CSMD1: variants seen among roughly 807,000 people sequenced by gnomAD.
The protein encoded by CSMD1 is CUB and sushi domain-containing protein 1.
CSMD1 carries 213 observed loss-of-function variants against 417.5 expected under a neutral mutation model. That is an observed-to-expected ratio of 0.51 (90% CI 0.46 to 0.57). The LOEUF (loss-of-function observed/expected upper bound fraction) is 0.57. Among genes scored for constraint, CSMD1 ranks in the 20% least tolerant of loss-of-function variants. The pLI is 0.00. For missense variants in CSMD1, 6,923 were observed against 4,529.7 expected, an observed-to-expected ratio of 1.53 and a Z score of -15.17; for synonymous variants, 2,862 against 1,736.8, an observed-to-expected ratio of 1.65 and a Z score of -16.11.
At chr8:3,133,133 C>G (rs1817885029) in intron 41 of CSMD1, among the ~76,000 whole-genome samples, 1 of 152,210 alleles carries the variant, frequency 6.6e-6, no homozygotes, top group South Asian at 2.1e-4. Flanking sequence ...GCAGCGTGGG[C>G]CGGCACACAG....
chr8:4,690,610 T>A (rs1280720313), intron 1 of CSMD1, among the ~76,000 whole-genome samples: 1 of 152,244 alleles, frequency 6.6e-6, no homozygotes, highest in African/African-American at 2.4e-5. Flanking sequence ...TGCTTGTTCC[T>A]CAGTCATGTG....
At chr8:4,552,996 G>A (rs945814250) in intron 2 of CSMD1, among the ~76,000 whole-genome samples, 2 of 152,126 alleles carry the variant, frequency 1.3e-5, no homozygotes, top group Non-Finnish European at 1.5e-5. Flanking sequence ...CTGGCTGCTT[G>A]GTGACATTTC....
At chr8:4,192,822 G>C (rs766702280) in intron 3 of CSMD1, among the ~76,000 whole-genome samples, 3 of 152,106 alleles carry the variant, frequency 2.0e-5, no homozygotes, top group Non-Finnish European at 4.4e-5. Flanking sequence ...ATTACTTGTG[G>C]TAAACGCTAT....
chr8:3,556,516 G>GCA (rs71708244), intron 10 of CSMD1, among the ~76,000 whole-genome samples: 3,973 of 137,612 alleles, frequency 0.029, 80 homozygotes, highest in African/African-American at 0.055. Flanking sequence ...TTTTTCACAC[G>GCA]CACACACACA....
intron 12 of CSMD1, among the ~76,000 whole-genome samples, chr8:3,427,610 C>A (rs1340101497): frequency 1.3e-5 from 2 of 152,068 alleles, no homozygotes; most frequent in Admixed American, 1.3e-4. Context: ...TGACCATACT[C>A]TGCAAATCTA....
intron 5 of CSMD1, among the ~76,000 whole-genome samples, chr8:3,800,427 A>C (rs1800392019): frequency 6.6e-6 from 1 of 152,190 alleles, no homozygotes; most frequent in Admixed American, 6.6e-5. Context: ...AGTGCTTGAG[A>C]AATAGTATAA....
chr8:4,799,800 G>A (rs994659035), intron 1 of CSMD1, among the ~76,000 whole-genome samples: 1 of 151,650 alleles, frequency 6.6e-6, no homozygotes, highest in African/African-American at 2.4e-5. Context: ...AAAAAAAAGT[G>A]ACAATATGCA....
At chr8:4,402,742 C>T (rs1418093952) in intron 3 of CSMD1, among the ~76,000 whole-genome samples, 3 of 151,650 alleles carry the variant, frequency 2.0e-5, no homozygotes, top group Non-Finnish European at 2.9e-5. Context: ...ATTCAACTAC[C>T]TCTTTGCATC....
At chr8:4,506,875 C>A (rs1802553238) in intron 2 of CSMD1, among the ~76,000 whole-genome samples, 1 of 152,086 alleles carries the variant, frequency 6.6e-6, no homozygotes, top group Admixed American at 6.5e-5. Context: ...AAGTTTATAA[C>A]ATAAATAATT....
chr8:4,176,999 C>A (rs1798084090), intron 3 of CSMD1, among the ~76,000 whole-genome samples: 1 of 152,004 alleles, frequency 6.6e-6, no homozygotes, highest in East Asian at 1.9e-4. Flanking sequence ...TAACACCCCA[C>A]TGTCAACATT....
At chr8:3,169,683 A>C (rs1011427053) in intron 37 of CSMD1, among the ~76,000 whole-genome samples, 2 of 152,054 alleles carry the variant, frequency 1.3e-5, no homozygotes, top group South Asian at 2.1e-4. Context: ...CACAATAGAA[A>C]GGACTGAGGA....
At chr8:3,218,574 AAAAG>A (rs1341254583) in intron 29 of CSMD1, among the ~76,000 whole-genome samples, 4 of 151,030 alleles carry the variant, frequency 2.6e-5, no homozygotes, top group Non-Finnish European at 4.4e-5. Context: ...AATAAAAAAA[AAAAG>A]AAATTATTTT....
At chr8:4,341,415 G>A (rs1352889794) in intron 3 of CSMD1, among the ~76,000 whole-genome samples, 1 of 152,070 alleles carries the variant, frequency 6.6e-6, no homozygotes, top group Non-Finnish European at 1.5e-5. Context: ...TCAAAATGTA[G>A]AGGAAAATGT....
intron 49 of CSMD1, among the ~76,000 whole-genome samples, chr8:3,080,139 C>A (rs1027950095): frequency 6.6e-6 from 1 of 152,190 alleles, no homozygotes; most frequent in African/African-American, 2.4e-5. Context: ...CTCTGAGAAC[C>A]AGACCTTGAA....
At chr8:4,131,955 C>T (rs769813481) in intron 3 of CSMD1, among the ~76,000 whole-genome samples, 1 of 151,514 alleles carries the variant, frequency 6.6e-6, no homozygotes, top group African/African-American at 2.4e-5. Flanking sequence ...TAGTAGAGAC[C>T]GGCTTTCACC....
intron 2 of CSMD1, among the ~76,000 whole-genome samples, chr8:4,509,967 T>A (rs1291024093): frequency 6.6e-6 from 1 of 152,106 alleles, no homozygotes; most frequent in Non-Finnish European, 1.5e-5. Context: ...TTGCTGTGTC[T>A]CCACCCAAAT....
chr8:3,235,477 T>C lies in CSMD1; in HGVS notation c.4154-5246A>G, dbSNP rs186479363. ...TGGGAGTTAATAGGATCTGGTCAAA[T>C]GAGATTGGCAAATACTGCACACCCC... On this transcript the variant is annotated intron_variant, in intron 26 of 69. Transcript: ENST00000635120. Among the ~76,000 whole-genome samples, 12 of 152,292 alleles carry C rather than the reference T, an allele frequency of 7.9e-5. No homozygotes were observed. In the East Asian group the frequency reaches 1.9e-3, roughly 25 times the overall value.
intron 12 of CSMD1, among the ~76,000 whole-genome samples, chr8:3,424,557 A>G (rs1351798360): frequency 1.3e-5 from 2 of 152,252 alleles, no homozygotes; most frequent in East Asian, 3.8e-4. Context: ...AGTTTTTGTA[A>G]TTACACTTAG....
chr8:3,318,050 C>T (rs930246155), intron 23 of CSMD1, among the ~76,000 whole-genome samples: 13 of 152,314 alleles, frequency 8.5e-5, no homozygotes, highest in African/African-American at 3.1e-4. Context: ...ATCTGCCCAC[C>T]TTGGCCTCCC....
Sources: gnomAD v4.1 joint callset for allele counts (sites outside exome capture counted in the v4.1 genomes callset) on GRCh38, gnomAD v4.1.1 for gene constraint, MANE v1.5 for transcripts, NCBI Gene and HGNC (gene_info 2026-07-23, HGNC 2026-07-21) for gene names.